Variants in CNBD1 observed in about 807,000 individuals in gnomAD.
CNBD1 encodes the protein cyclic nucleotide binding domain containing 1, also known as cyclic nucleotide-binding domain-containing protein 1.
In CNBD1, 71 loss-of-function variants were observed where a neutral mutation model predicts 54.4. The ratio of observed to expected loss-of-function variants is 1.30; its 90% CI spans 1.08 to 1.59. CNBD1 has a LOEUF of 1.59. Ranked by LOEUF, CNBD1 falls within the 40% of genes most tolerant of loss-of-function variation. CNBD1 has a pLI of 0.00. For synonymous variants in CNBD1, 182 were observed against 170.7 expected (o/e 1.07, Z -0.51); for missense variants, 659 against 518.0 (o/e 1.27, Z -2.64).
rs564023236 is a variant in CNBD1 at position 87,365,865 on chromosome 8, T to C, written c.1303+12079T>C. 4.7e-4 allele frequency among the ~76,000 whole-genome samples: 71 copies of C among 152,200 alleles called. 3 individuals carry two copies. The South Asian group carries it at 0.014, about 30-fold the overall frequency. ...CACAGGAAGCATTTACAAAGGAATT[T>C]TATAATGTCTCCCACATTCTTTATT... On this transcript the variant is annotated intron_variant, in intron 10 of 10. Coordinates refer to ENST00000518476, the MANE Select transcript of CNBD1 (RefSeq NM_173538.3).
At chr8:87,294,810 TA>T (rs1808851515) in intron 8 of CNBD1, among the ~76,000 whole-genome samples, 1 of 152,142 alleles carries the variant, frequency 6.6e-6, no homozygotes, top group Non-Finnish European at 1.5e-5. Flanking sequence ...CTGTAATATA[TA>T]TTTTTTTACT....
At chr8:87,049,528 T>C (rs1810270732) in intron 4 of CNBD1, among the ~76,000 whole-genome samples, 1 of 152,166 alleles carries the variant, frequency 6.6e-6, no homozygotes, top group Non-Finnish European at 1.5e-5. Flanking sequence ...TACCCTGCCT[T>C]ATGGGTTTCT....
At chr8:86,988,702 T>G (rs1450417500) in intron 4 of CNBD1, among the ~76,000 whole-genome samples, 1 of 152,116 alleles carries the variant, frequency 6.6e-6, no homozygotes, top group Non-Finnish European at 1.5e-5. Flanking sequence ...TGATATTCAT[T>G]ATTCTCTTCT....
chr8:87,374,534 T>G (rs1486309017), intron 10 of CNBD1, among the ~76,000 whole-genome samples: 1 of 151,594 alleles, frequency 6.6e-6, no homozygotes, highest in Admixed American at 6.6e-5. Context: ...TGGTACACCT[T>G]GTATGGAAGA....
chr8:87,081,758 G>A (rs368259147), intron 4 of CNBD1, among the ~76,000 whole-genome samples: 25 of 151,970 alleles, frequency 1.6e-4, no homozygotes, highest in African/African-American at 4.6e-4. Flanking sequence ...TGCCTGCCTC[G>A]GCCTCCCAAA....
chr8:86,961,964 G>T (rs1807939990), intron 4 of CNBD1, among the ~76,000 whole-genome samples: 1 of 152,174 alleles, frequency 6.6e-6, no homozygotes, highest in South Asian at 2.1e-4. Context: ...AACCCTAGGG[G>T]TGGAGCACTT....
At chr8:87,351,592 T>C (rs1810293624) in intron 8 of CNBD1, 93 bp from the exon 9 acceptor site, 1 of 1,166,772 alleles carries the variant, frequency 8.6e-7, no homozygotes, top group East Asian at 3.1e-5. Context: ...TAATAGTTAT[T>C]GAATTAAATA....
intron 6 of CNBD1, among the ~76,000 whole-genome samples, chr8:87,248,208 G>T (rs1477546322): frequency 6.6e-6 from 1 of 152,112 alleles, no homozygotes; most frequent in Non-Finnish European, 1.5e-5. Context: ...GTGTACCATG[G>T]TGACTCATTA....
intron 4 of CNBD1, among the ~76,000 whole-genome samples, chr8:87,040,913 A>G (rs912823437): frequency 6.6e-6 from 1 of 151,932 alleles, no homozygotes. Context: ...TTATTAATTT[A>G]TATGTTGTAT....
At position 87,360,363 on chromosome 8, in the gene CNBD1, C is replaced by A. The variant is rs553739921; in HGVS notation, c.1303+6577C>A. On this transcript the variant is annotated intron_variant, in intron 10 of 10. Transcript: ENST00000518476. ...TTAACTTTTGGAAGTTAGGAAATAT[C>A]TTTTTTTAATCTATATGCATCCTTC... is the stretch of plus-strand genomic sequence containing the variant. 6.2e-4 allele frequency among the ~76,000 whole-genome samples: 94 copies of A among 151,848 alleles called. 2 individuals are homozygous for A. Among genetic ancestry groups the A allele is most frequent in the Admixed American group, 4.8e-3 (73 of 15,210 alleles).
intron 6 of CNBD1, among the ~76,000 whole-genome samples, chr8:87,243,625 T>C (rs1298514593): frequency 6.6e-6 from 1 of 152,204 alleles, no homozygotes; most frequent in Non-Finnish European, 1.5e-5. Flanking sequence ...TTTTTGAAAG[T>C]GGTGTTTTAT....
chr8:87,315,468 G>A (rs1301368746), intron 8 of CNBD1, among the ~76,000 whole-genome samples: 1 of 151,934 alleles, frequency 6.6e-6, no homozygotes, highest in Non-Finnish European at 1.5e-5. Context: ...AGGACCTCAG[G>A]TTGTTTCCAC....
intron 3 of CNBD1, among the ~76,000 whole-genome samples, chr8:86,914,537 A>G (rs530745293): frequency 6.6e-6 from 1 of 152,252 alleles, no homozygotes; most frequent in Non-Finnish European, 1.5e-5. Context: ...TGCATTTCTC[A>G]GAAAGTATCC....
intron 4 of CNBD1, among the ~76,000 whole-genome samples, chr8:87,087,262 C>CATAT (rs960920154): frequency 1.5e-5 from 2 of 135,100 alleles, no homozygotes; most frequent in African/African-American, 5.8e-5. Flanking sequence ...TATATATATA[C>CATAT]ATATATATAT....
intron 4 of CNBD1, among the ~76,000 whole-genome samples, chr8:87,087,275 G>GTATA (rs371657712): frequency 2.3e-5 from 3 of 132,162 alleles, no homozygotes; most frequent in East Asian, 2.1e-4. Context: ...ATATATATAC[G>GTATA]TATATATATA....
chr8:87,312,605 C>A (rs779064112), intron 8 of CNBD1, among the ~76,000 whole-genome samples: 1 of 151,938 alleles, frequency 6.6e-6, no homozygotes, highest in Non-Finnish European at 1.5e-5. Context: ...CCTATTTTAA[C>A]TTTTTTGCAC....
At chr8:87,395,491 A>C (rs944908969) in intron 2 of CNBD1, among the ~76,000 whole-genome samples, 10 of 151,904 alleles carry the variant, frequency 6.6e-5, no homozygotes, top group African/African-American at 2.2e-4. Context: ...TGCTACAATA[A>C]AGGTTTTAAA....
At chr8:87,298,741 C>T (rs975283331) in intron 8 of CNBD1, among the ~76,000 whole-genome samples, 2 of 151,820 alleles carry the variant, frequency 1.3e-5, no homozygotes, top group Non-Finnish European at 2.9e-5. Context: ...TCCTCGGCCT[C>T]CCAAAGTGCT....
intron 2 of CNBD1, among the ~76,000 whole-genome samples, chr8:87,409,158 C>G (rs1416222535): frequency 6.6e-6 from 1 of 152,094 alleles, no homozygotes; most frequent in East Asian, 1.9e-4. Context: ...GTTTTGAATG[C>G]AAAGGAGAAG....
Sources: gnomAD v4.1 joint callset for allele counts (sites outside exome capture counted in the v4.1 genomes callset) on GRCh38, gnomAD v4.1.1 for gene constraint, MANE v1.5 for transcripts, NCBI Gene and HGNC (gene_info 2026-07-23, HGNC 2026-07-21) for gene names.